Variants in ATF7IP observed in about 807,000 individuals in gnomAD.
The protein encoded by ATF7IP is activating transcription factor 7-interacting protein 1.
In ATF7IP, 23 loss-of-function variants were observed where a neutral mutation model predicts 106.4. The ratio of observed to expected loss-of-function variants is 0.22; its 90% confidence interval spans 0.16 to 0.31. The LOEUF (loss-of-function observed/expected upper bound fraction) is 0.31. Ranked by LOEUF, ATF7IP falls within the 10% of genes least tolerant of loss-of-function variation. The pLI, the probability that ATF7IP is intolerant of heterozygous loss-of-function variation, is 1.00. For missense variants in ATF7IP, 1,334 were observed against 1,524.3 expected, an observed-to-expected ratio of 0.88 and a Z score of 2.08; for synonymous variants, 542 against 539.0, an observed-to-expected ratio of 1.01 and a Z score of -0.08.
At position 14,386,390 on chromosome 12, in the gene ATF7IP, CCTG is replaced by C. The variant is rs556608262; in HGVS notation, c.-8+20564_-8+20566del. 8.9e-3 allele frequency among the ~76,000 whole-genome samples: 1,352 copies of C among 152,102 alleles called. 9 individuals are homozygous for C. Among genetic ancestry groups the C allele is most frequent in the African/African-American group, 0.026 (1,081 of 41,514 alleles). ...AAGCAGCAATACTTAAATTGCAGTA[CCTG>C]TTAAAATATTTTTTAGCTGGTATAA... On this transcript the variant is annotated intron_variant, in intron 1 of 14. Coordinates refer to ENST00000261168, the MANE Select transcript of ATF7IP (RefSeq NM_018179.5).
intron 13 of ATF7IP, among the ~76,000 whole-genome samples, chr12:14,483,639 CCT>C (rs989230692): frequency 6.6e-6 from 1 of 152,086 alleles, no homozygotes; most frequent in Non-Finnish European, 1.5e-5. Context: ...ACTTCCACCC[CCT>C]GATTCCTGGA....
intron 14 of ATF7IP, 86 bp downstream of exon 14, chr12:14,496,429 T>C: frequency 1.2e-6 from 1 of 853,996 alleles, no homozygotes. Context: ...TTAAAATGGT[T>C]ATATCCAAGG....
rs1278141420 is a variant in ATF7IP, at chr12:14,498,189, G to A, written c.*116G>A. On this transcript the variant is annotated 3_prime_UTR_variant, in exon 15 of 15. Transcript: ENST00000261168. ...CTTGTGCAAGATTTCTTGGACAGAT[G>A]TGTGTATACACTACATTTGTTTATA... The A allele has an allele frequency of 4.1e-6, 4 of 966,754 alleles. No homozygotes were observed. The highest frequency in any genetic ancestry group is 1.6e-5 in the South Asian group (1 of 61,894). 59.9% of individuals were successfully genotyped at this position (966,754 alleles called of 1,614,324 possible).
At chr12:14,478,134 A>G (rs1360756716) in intron 11 of ATF7IP, among the ~76,000 whole-genome samples, 183 bp from the exon 12 acceptor site, 2 of 152,236 alleles carry the variant, frequency 1.3e-5, no homozygotes, top group Non-Finnish European at 2.9e-5. Context: ...CAAATTACAT[A>G]TGCTCTTAAC....
chr12:14,470,327 C>T lies in ATF7IP; in HGVS notation c.2862+3737C>T, dbSNP rs112929007. Among the ~76,000 whole-genome samples, 786 of 152,188 alleles carry T rather than the reference C, an allele frequency of 5.2e-3. 3 individuals carry two copies. The highest frequency in any genetic ancestry group is 0.015 in the East Asian group (80 of 5,180). ...TATTGAGACTGGTCGTTTTGGAAAA[C>T]GACACATGATTAGCTAAGTTTTTAA... On this transcript the variant is annotated intron_variant, in intron 10 of 14. Coordinates refer to ENST00000261168, the MANE Select transcript of ATF7IP (RefSeq NM_018179.5).
rs1945127935 is a variant in ATF7IP at position 14,500,311 on chromosome 12, A to C, written c.*2238A>C. On this transcript the variant is annotated 3_prime_UTR_variant, in exon 15 of 15. Coordinates refer to ENST00000261168, the MANE Select transcript of ATF7IP (RefSeq NM_018179.5). ...GTGAGATTTGATTCATGATGAAGAA[A>C]GCCTATAGATTGCCAAAAAATTAAT... 6.6e-6 allele frequency: 1 copy of C among 152,224 alleles called. No homozygotes were observed. The highest frequency in any genetic ancestry group is 2.1e-4 in the South Asian group (1 of 4,832). The allele number at this position is 152,224 out of a possible 1,614,324, so 9.4% of individuals were successfully genotyped here.
chr12:14,475,782 T>C (rs1944241991), intron 10 of ATF7IP, 108 bp from the exon 11 acceptor site: 4 of 757,560 alleles, frequency 5.3e-6, no homozygotes, highest in Non-Finnish European at 8.5e-6. Flanking sequence ...GGGTCCAGAT[T>C]GAACCAGGTT....
chr12:14,370,294 A>G (rs1278498475), intron 1 of ATF7IP, among the ~76,000 whole-genome samples: 6 of 152,178 alleles, frequency 3.9e-5, no homozygotes, highest in African/African-American at 1.2e-4. Context: ...TCAAAAGAAT[A>G]TATGATATAA....
chr12:14,370,610 C>A (rs1278015418), intron 1 of ATF7IP, among the ~76,000 whole-genome samples: 2 of 151,624 alleles, frequency 1.3e-5, no homozygotes, highest in Non-Finnish European at 2.9e-5. Flanking sequence ...TTTTTTAATT[C>A]ATCGGTATTA....
At chr12:14,465,995 G>T (rs1044096382) in intron 9 of ATF7IP, 1 of 152,048 alleles carries the variant, frequency 6.6e-6, no homozygotes, top group African/African-American at 2.4e-5. Flanking sequence ...TTTATTTTCT[G>T]TGCTGTTCTG....
In ATF7IP at chr12:14,441,487, C is replaced by CTTTT. The variant is rs36088397; in HGVS notation, c.1929+3237_1929+3240dup. Among the ~76,000 whole-genome samples, 61 of 105,268 alleles carry CTTTT rather than the reference C, an allele frequency of 5.8e-4. 2 individuals are homozygous for CTTTT. Among genetic ancestry groups the CTTTT allele is most frequent in the African/African-American group, 1.3e-3 (35 of 26,950 alleles). 69.1% of individuals were successfully genotyped at this position (105,268 alleles called of 152,430 possible). On this transcript the variant is annotated intron_variant, in intron 5 of 14. Transcript: ENST00000261168. ...ATTTATATATTCTGGATACCAAAGT[C>CTTTT]TTTTTTTTTTTTTTTTTTTTGAGAC... is the stretch of plus-strand genomic sequence containing the variant.
At chr12:14,422,356 C>CACAA (rs1437491452) in intron 1 of ATF7IP, among the ~76,000 whole-genome samples, 48 of 136,322 alleles carry the variant, frequency 3.5e-4, no homozygotes, top group African/African-American at 1.3e-3. Context: ...CACACACACA[C>CACAA]AACCTTTGTA....
intron 1 of ATF7IP, among the ~76,000 whole-genome samples, chr12:14,398,948 C>T (rs7138770): frequency 0.051 from 7,776 of 152,074 alleles, 678 homozygotes; most frequent in African/African-American, 0.18. Context: ...TTGTTTTACA[C>T]GCTTGAAACC....
chr12:14,420,680 A>G (rs983813947), intron 1 of ATF7IP, among the ~76,000 whole-genome samples: 6 of 152,032 alleles, frequency 3.9e-5, no homozygotes, highest in East Asian at 1.9e-4. Context: ...GTGAGGGGGG[A>G]TGTTTGGAAT....
intron 6 of ATF7IP, among the ~76,000 whole-genome samples, chr12:14,455,150 A>T (rs1180172866): frequency 2.7e-5 from 4 of 148,878 alleles, no homozygotes; most frequent in Non-Finnish European, 3.0e-5. Context: ...AGGATGGTGC[A>T]CTCCAGCCTG....
intron 13 of ATF7IP, among the ~76,000 whole-genome samples, chr12:14,487,715 G>A (rs1230040287): frequency 6.6e-6 from 1 of 152,148 alleles, no homozygotes; most frequent in East Asian, 1.9e-4. Context: ...TTTCTCTATA[G>A]GAGATAACTG....
Position 14,478,558 on chromosome 12 carries a change from A to G in ATF7IP, c.3097+86A>G, listed in dbSNP as rs541499252. 179 of 1,456,302 alleles carry G rather than the reference A, an allele frequency of 1.2e-4. No homozygotes were observed. The African/African-American group carries it at 2.3e-3, about 18-fold the overall frequency. The allele number at this position is 1,456,302 out of a possible 1,614,324, so 90.2% of individuals were successfully genotyped here. On this transcript the variant is annotated intron_variant, in intron 12 of 14. Transcript: ENST00000261168. ...GGAGTTAAGTGGAAAGATAAGACAG[A>G]AAATTAATATTCATCTTGTTAATTT...
chr12:14,496,436 A>T, intron 14 of ATF7IP, 93 bp downstream of exon 14: 1 of 791,284 alleles, frequency 1.3e-6, no homozygotes, highest in Non-Finnish European at 2.1e-6. Context: ...GGTTATATCC[A>T]AGGGAAGTGT....
intron 5 of ATF7IP, 47 bp downstream of exon 5, chr12:14,438,314 A>T: frequency 6.8e-7 from 1 of 1,476,436 alleles, no homozygotes; most frequent in Non-Finnish European, 9.2e-7. Context: ...CATTGTTTTT[A>T]TAACTTATTT....
Sources: gnomAD v4.1 joint callset for allele counts (sites outside exome capture counted in the v4.1 genomes callset) on GRCh38, gnomAD v4.1.1 for gene constraint, MANE v1.5 for transcripts, NCBI Gene and HGNC (gene_info 2026-07-23, HGNC 2026-07-21) for gene names.